The following TESK2 variants were observed in gnomAD, a reference collection of about 807,000 sequenced individuals.
The protein encoded by TESK2 is dual specificity testis-specific protein kinase 2.
A neutral mutation model predicts 57.1 loss-of-function variants in TESK2; 39 were observed. That is an observed-to-expected ratio of 0.68 (90% confidence interval 0.53 to 0.89). The LOEUF is 0.89. Ranked by LOEUF, TESK2 falls within the 40% of genes least tolerant of loss-of-function variation. The pLI is 0.00. For synonymous variants in TESK2, 249 were observed against 267.9 expected (o/e 0.93, Z 0.69); for missense variants, 646 against 732.1 (o/e 0.88, Z 1.36).
chr1:45,367,072 T>G (rs879684403), intron 4 of TESK2, among the ~76,000 whole-genome samples: 2 of 152,136 alleles, frequency 1.3e-5, no homozygotes, highest in Non-Finnish European at 2.9e-5. Flanking sequence ...AGGCAGAGGC[T>G]GCAGTGAGCC....
chr1:45,449,321 C>G (rs371752840), intron 2 of TESK2, among the ~76,000 whole-genome samples: 1 of 151,508 alleles, frequency 6.6e-6, no homozygotes, highest in Non-Finnish European at 1.5e-5. Context: ...TTTTACCATA[C>G]AGTCCACCAA....
chr1:45,481,184 T>C (rs1196232023), intron 1 of TESK2, among the ~76,000 whole-genome samples: 1 of 151,334 alleles, frequency 6.6e-6, no homozygotes, highest in East Asian at 1.9e-4. Flanking sequence ...GCTAATACGG[T>C]GAAACCCCAT....
chr1:45,481,104 G>A (rs923190033), intron 1 of TESK2, among the ~76,000 whole-genome samples: 168 of 150,594 alleles, frequency 1.1e-3, no homozygotes, highest in African/African-American at 3.8e-3. Context: ...GGTGGCTCAC[G>A]CCTGTAATCC....
At chr1:45,419,222 T>C (rs781421320) in intron 3 of TESK2, among the ~76,000 whole-genome samples, 1 of 152,038 alleles carries the variant, frequency 6.6e-6, no homozygotes, top group Non-Finnish European at 1.5e-5. Flanking sequence ...GTGATCTGCC[T>C]GCCTCAGCCT....
In TESK2 at chr1:45,469,752, C is replaced by T. The variant is rs75773386; in HGVS notation, c.-86-11881G>A. ...AAAAATCAGTATTGATTTAAACAGG[C>T]TTTCTAAAGAATGGATGCCATGCTG... On this transcript the variant is annotated intron_variant, in intron 1 of 10. Coordinates refer to ENST00000372086, the MANE Select transcript of TESK2 (RefSeq NM_007170.3). Among the ~76,000 whole-genome samples, 203 of 152,306 alleles carry T rather than the reference C, an allele frequency of 1.3e-3. 1 individual carries two copies. The highest frequency in any genetic ancestry group is 4.5e-3 in the African/African-American group (189 of 41,586).
intron 2 of TESK2, among the ~76,000 whole-genome samples, chr1:45,428,920 C>CA (rs1650831072): frequency 7.0e-6 from 1 of 142,152 alleles, no homozygotes. Flanking sequence ...CTCCCGGGTT[C>CA]ACGCCATTCT....
intron 3 of TESK2, among the ~76,000 whole-genome samples, chr1:45,419,196 T>G (rs1025820849): frequency 1.3e-5 from 2 of 152,136 alleles, no homozygotes; most frequent in Non-Finnish European, 2.9e-5. Flanking sequence ...CAGGATGGTC[T>G]CGAACTCTTG....
chr1:45,409,327 T>C (rs539834362), intron 3 of TESK2, among the ~76,000 whole-genome samples: 6 of 152,300 alleles, frequency 3.9e-5, no homozygotes, highest in Admixed American at 3.3e-4. Flanking sequence ...CATATGATTC[T>C]GGAATAAAGT....
intron 3 of TESK2, among the ~76,000 whole-genome samples, chr1:45,420,239 C>T (rs1650415367): frequency 6.6e-6 from 1 of 152,046 alleles, no homozygotes; most frequent in African/African-American, 2.4e-5. Context: ...TTTTTTTTAA[C>T]AAAATCATTT....
chr1:45,414,665 T>C (rs1337311072), intron 3 of TESK2, among the ~76,000 whole-genome samples: 2 of 152,170 alleles, frequency 1.3e-5, no homozygotes, highest in Admixed American at 6.6e-5. Flanking sequence ...GGAATACATA[T>C]ACCCGTAGCA....
At chr1:45,354,508 C>T (rs938478323) in intron 5 of TESK2, among the ~76,000 whole-genome samples, 5 of 152,080 alleles carry the variant, frequency 3.3e-5, no homozygotes, top group South Asian at 4.2e-4. Flanking sequence ...CGTCTGTAAT[C>T]CCAGCTACTC....
chr1:45,425,083 T>G (rs1650632685), intron 2 of TESK2, among the ~76,000 whole-genome samples: 1 of 151,988 alleles, frequency 6.6e-6, no homozygotes, highest in Non-Finnish European at 1.5e-5. Flanking sequence ...GAGAAAGAAA[T>G]AAAGGGCATC....
chr1:45,464,370 G>A (rs1352162679), intron 1 of TESK2, among the ~76,000 whole-genome samples: 1 of 149,932 alleles, frequency 6.7e-6, no homozygotes, highest in Non-Finnish European at 1.5e-5. Context: ...GTTGCGATGA[G>A]CCAAGATCAC....
intron 2 of TESK2, among the ~76,000 whole-genome samples, chr1:45,447,592 A>G (rs781379452): frequency 6.6e-6 from 1 of 152,010 alleles, no homozygotes; most frequent in Middle Eastern, 3.4e-3. Context: ...TTTTTTTAAT[A>G]AATAGGAGTA....
At chr1:45,464,422 T>TAAA (rs34547506) in intron 1 of TESK2, among the ~76,000 whole-genome samples, 1 of 121,090 alleles carries the variant, frequency 8.3e-6, no homozygotes. Flanking sequence ...AGACACTGGA[T>TAAA]AAAAAAAAAA....
At chr1:45,483,098 C>T (rs1270872989) in intron 1 of TESK2, among the ~76,000 whole-genome samples, 2 of 148,698 alleles carry the variant, frequency 1.3e-5, no homozygotes. Flanking sequence ...GCTAACACGG[C>T]GAAACCCCAT....
At chr1:45,383,237 A>G (rs1026063470) in intron 4 of TESK2, among the ~76,000 whole-genome samples, 3 of 152,178 alleles carry the variant, frequency 2.0e-5, no homozygotes, top group Admixed American at 6.6e-5. Flanking sequence ...TTTATTTTTT[A>G]TTATCCTTAC....
intron 1 of TESK2, among the ~76,000 whole-genome samples, chr1:45,461,686 T>C (rs954342332): frequency 1.1e-4 from 17 of 152,224 alleles, no homozygotes; most frequent in African/African-American, 4.1e-4. Context: ...ATATGTAAAG[T>C]ACATAAAACA....
chr1:45,405,422 A>G (rs1649797993), intron 3 of TESK2, among the ~76,000 whole-genome samples: 1 of 152,064 alleles, frequency 6.6e-6, no homozygotes, highest in Non-Finnish European at 1.5e-5. Flanking sequence ...AAAATTGACA[A>G]ACAAAAAACC....
Sources: allele counts gnomAD v4.1 joint callset (sites outside exome capture counted in the v4.1 genomes callset), GRCh38; gene constraint gnomAD v4.1.1; transcripts MANE v1.5; gene names NCBI Gene and HGNC (gene_info 2026-07-23, HGNC 2026-07-21).